BRF1: variants seen among roughly 807,000 people sequenced by gnomAD.
The protein encoded by BRF1 is transcription factor IIIB 90 kDa subunit.
Under a neutral mutation model 81.7 loss-of-function variants are expected in BRF1, and 59 were observed. The ratio of observed to expected loss-of-function variants is 0.72; its 90% CI spans 0.59 to 0.90. BRF1 has a LOEUF of 0.90. BRF1 is among the 40% of genes least tolerant of loss of function. BRF1 has a pLI of 0.00. For synonymous variants in BRF1, 491 were observed against 395.6 expected (o/e 1.24, Z -2.86); for missense variants, 1,050 against 936.3 (o/e 1.12, Z -1.58).
chr14:105,229,661 CCCCG>C, intron 6 of BRF1, among the ~76,000 whole-genome samples: 1 of 150,450 alleles, frequency 6.6e-6, no homozygotes, highest in East Asian at 2.0e-4. Context: ...AGCCTGGCAG[CCCCG>C]TGGCACCCTC....
intron 8 of BRF1, 65 bp downstream of exon 8, chr14:105,226,569 G>C (rs1893133359): frequency 6.2e-7 from 1 of 1,604,642 alleles, no homozygotes; most frequent in East Asian, 2.2e-5. Context: ...AACCCCAGTC[G>C]GGGTGTGTGG....
intron 11 of BRF1, among the ~76,000 whole-genome samples, chr14:105,220,824 C>G (rs587688470): frequency 1.3e-5 from 2 of 152,352 alleles, no homozygotes; most frequent in East Asian, 3.9e-4. Context: ...AGGCCAGAGA[C>G]GGCTCCTCTC....
intron 4 of BRF1, among the ~76,000 whole-genome samples, chr14:105,253,118 G>A (rs920634066): frequency 1.3e-5 from 2 of 152,262 alleles, no homozygotes; most frequent in Non-Finnish European, 2.9e-5. Flanking sequence ...GGGCAGTGGA[G>A]GTGAGGCCCA....
rs587620175 is a variant in BRF1, at chr14:105,291,198, G to A, written c.185-4822C>T. Reference sequence around the variant, plus strand: ...GCGGTTCCACCAGAGCCAGAGCAGGGCCAGAGGCCGCAGGGGCACCTCTGA... The same window carrying A: ...GCGGTTCCACCAGAGCCAGAGCAGGACCAGAGGCCGCAGGGGCACCTCTGA... On this transcript the variant is annotated intron_variant, in intron 1 of 17. Transcript: ENST00000547530. 2.6e-5 allele frequency among the ~76,000 whole-genome samples: 4 copies of A among 152,262 alleles called. No homozygotes were observed. The East Asian group carries it at 5.8e-4, about 22-fold the overall frequency.
intron 15 of BRF1, among the ~76,000 whole-genome samples, chr14:105,215,660 T>C (rs1348989970): frequency 2.1e-5 from 2 of 95,596 alleles, no homozygotes; most frequent in African/African-American, 4.3e-5. Context: ...ACACACACAC[T>C]GCATACACAG....
chr14:105,229,647 G>A (rs587706145), intron 6 of BRF1, among the ~76,000 whole-genome samples: 33 of 151,082 alleles, frequency 2.2e-4, no homozygotes, highest in Admixed American at 4.6e-4. Flanking sequence ...TGGGGGCGGG[G>A]GACAGCCTGG....
rs781523349 is a variant in BRF1, at chr14:105,300,479, A to AGCC, written c.148_150dup (p.Gly50dup). Reference sequence around the variant, plus strand: ...GACACGAACTGGCCCACGGCCGAGGAGCCGCCGCCGCTGCTCTCCACGAAC... The same window carrying AGCC: ...GACACGAACTGGCCCACGGCCGAGGAGCCGCCGCCGCCGCTGCTCTCCACGAAC... On this transcript the variant is annotated inframe_insertion, in exon 1 of 18. Transcript: ENST00000547530. 7.8e-6 allele frequency: 12 copies of AGCC among 1,534,452 alleles called. No individual in the cohort carries two copies. In the South Asian group the frequency reaches 1.4e-4, roughly 19 times the overall value.
chr14:105,219,278 C>T (rs1037869180), intron 12 of BRF1, 46 bp from the exon 13 acceptor site: 6 of 1,602,554 alleles, frequency 3.7e-6, no homozygotes, highest in Non-Finnish European at 5.1e-6. Context: ...CCTTCGCACA[C>T]CGGGGCATGC....
chr14:105,292,054 C>T (rs2057537101), intron 1 of BRF1, among the ~76,000 whole-genome samples: 2 of 152,166 alleles, frequency 1.3e-5, no homozygotes, highest in African/African-American at 2.4e-5. Context: ...GCAGGGGCAC[C>T]ATCACGGCTC....
At chr14:105,216,311 G>A (rs1011632705) in intron 15 of BRF1, among the ~76,000 whole-genome samples, 5 of 152,184 alleles carry the variant, frequency 3.3e-5, no homozygotes, top group African/African-American at 1.2e-4. Flanking sequence ...AGGCTGGCTA[G>A]GCAGGCAGAG....
At chr14:105,311,897 T>C (rs992617444) in intron 1 of BRF1, among the ~76,000 whole-genome samples, 1 of 152,220 alleles carries the variant, frequency 6.6e-6, no homozygotes, top group African/African-American at 2.4e-5. Context: ...CGGCAGGGCC[T>C]GTCTAGGGGT....
At chr14:105,264,158 A>C (rs1413542447) in intron 3 of BRF1, among the ~76,000 whole-genome samples, 1 of 152,182 alleles carries the variant, frequency 6.6e-6, no homozygotes, top group African/African-American at 2.4e-5. Context: ...GAAATGAAGA[A>C]TCTTACCAAA....
In BRF1 at chr14:105,271,466, C is replaced by T. The variant is rs1331057168; in HGVS notation, c.439+1255G>A. Among the ~76,000 whole-genome samples, 1 of 152,250 alleles carries T rather than the reference C, an allele frequency of 6.6e-6. No individual in the cohort carries two copies. Among genetic ancestry groups the T allele is most frequent in the Non-Finnish European group, 1.5e-5 (1 of 68,040 alleles). On this transcript the variant is annotated intron_variant, in intron 3 of 17. Transcript: ENST00000547530. The surrounding 1 kb of genome is among the most constrained non-coding windows in gnomAD (Gnocchi z 5.5). ...GGCAGACATGTGGCCGGGCACGCCA[C>T]GCCCACCAGACACAGGGCAGGGAGG...
chr14:105,229,231 G>A (rs1447532910), intron 6 of BRF1, among the ~76,000 whole-genome samples: 1 of 152,244 alleles, frequency 6.6e-6, no homozygotes, highest in East Asian at 1.9e-4. Flanking sequence ...CACAGCTTGT[G>A]ATGGGAGCTG....
chr14:105,257,017 C>T lies in BRF1; in HGVS notation c.440-468G>A, dbSNP rs375119227. Among the ~76,000 whole-genome samples the T allele has an allele frequency of 2.6e-5, 4 of 152,150 alleles. No homozygotes were observed. In the East Asian group the frequency reaches 5.9e-4, roughly 22 times the overall value. On this transcript the variant is annotated intron_variant, in intron 3 of 17. Coordinates refer to ENST00000547530, the MANE Select transcript of BRF1 (RefSeq NM_001519.4). ...TCAGGCGTCAGGCAGGCAGTCCTCC[C>T]GAGAGACAGAAAACTAGACCTGGGG... is the stretch of plus-strand genomic sequence containing the variant.
intron 15 of BRF1, 31 bp downstream of exon 15, chr14:105,217,513 C>G: frequency 6.2e-7 from 1 of 1,600,494 alleles, no homozygotes. Context: ...GGGCTGCTGC[C>G]CTAACCCAGC....
chr14:105,248,040 C>T (rs2140267674), intron 5 of BRF1: 2 of 985,494 alleles, frequency 2.0e-6, no homozygotes, highest in Non-Finnish European at 1.2e-6. Flanking sequence ...GACTTGCCCA[C>T]CCGCCGGCTG....
chr14:105,268,535 C>T (rs1383350837), intron 3 of BRF1, among the ~76,000 whole-genome samples: 1 of 152,214 alleles, frequency 6.6e-6, no homozygotes, highest in Non-Finnish European at 1.5e-5. Flanking sequence ...AGTGGACACA[C>T]CTGAGGATCG....
rs906329598 is a variant in BRF1 at position 105,284,469 on chromosome 14, G to C, written c.265+1827C>G. On this transcript the variant is annotated intron_variant, in intron 2 of 17. Transcript: ENST00000547530. The surrounding 1 kb of genome is among the most constrained non-coding windows in gnomAD (Gnocchi z 4.0). ...GCAGAGGCAGGTGCTCAAGAGCCCGGCCTCCTGGAGATGGCCCAGGAGAAA... is the reference window on the plus strand; with the variant it reads ...GCAGAGGCAGGTGCTCAAGAGCCCGCCCTCCTGGAGATGGCCCAGGAGAAA... Among the ~76,000 whole-genome samples the C allele has an allele frequency of 6.6e-6, 1 of 152,154 alleles. No homozygotes were observed. Among genetic ancestry groups the C allele is most frequent in the Non-Finnish European group, 1.5e-5 (1 of 68,016 alleles).
Sources: gnomAD v4.1 joint callset for allele counts (sites outside exome capture counted in the v4.1 genomes callset) on GRCh38, gnomAD v4.1.1 for gene constraint, Gnocchi (gnomAD v3.1) non-coding constraint, MANE v1.5 for transcripts, NCBI Gene and HGNC (gene_info 2026-07-23, HGNC 2026-07-21) for gene names.